HDAC1: variants seen among roughly 807,000 people sequenced by gnomAD.
HDAC1 encodes protein deacetylase HDAC1.
HDAC1 carries 18 observed loss-of-function variants against 65.5 expected under a neutral mutation model. That is an observed-to-expected ratio of 0.27 (90% CI 0.19 to 0.41). The LOEUF is 0.41. Ranked by LOEUF, HDAC1 falls within the 10% of genes least tolerant of loss-of-function variation. The pLI, the probability that HDAC1 is intolerant of heterozygous loss-of-function variation, is 1.00. For synonymous variants in HDAC1, 211 were observed against 227.9 expected (o/e 0.93, Z 0.67); for missense variants, 373 against 625.2 (o/e 0.60, Z 4.30).
At chr1:32,326,712 G>T (rs1641222793) in intron 4 of HDAC1, among the ~76,000 whole-genome samples, 2 of 149,444 alleles carry the variant, frequency 1.3e-5, no homozygotes, top group Middle Eastern at 3.2e-3. Context: ...CAATTTTAAG[G>T]CCTGCTAATG....
At position 32,307,217 on chromosome 1, in the gene HDAC1, C is replaced by T. The variant is rs145975648; in HGVS notation, c.162+4484C>T. Among the ~76,000 whole-genome samples the T allele has an allele frequency of 1.3e-3, 204 of 152,092 alleles. 1 individual carries two copies. The highest frequency in any genetic ancestry group is 2.2e-3 in the Non-Finnish European group (151 of 68,002). On this transcript the variant is annotated intron_variant, in intron 2 of 13. Transcript: ENST00000373548. ...CTGAGATCTCACCATTGCACTCTAG[C>T]GTGGGCAACAAGAGTGAAACTCCTT...
chr1:32,328,265 G>A (rs1478337987), intron 6 of HDAC1, among the ~76,000 whole-genome samples: 1 of 151,908 alleles, frequency 6.6e-6, no homozygotes, highest in Non-Finnish European at 1.5e-5. Context: ...TAAAAAAGTG[G>A]CACTAATTCA....
chr1:32,307,570 G>A (rs1354750311), intron 2 of HDAC1, among the ~76,000 whole-genome samples: 3 of 152,202 alleles, frequency 2.0e-5, no homozygotes, highest in Admixed American at 6.6e-5. Flanking sequence ...TTCACACCCA[G>A]GGGACAGAGC....
At chr1:32,320,278 G>C (rs1472656142) in intron 3 of HDAC1, among the ~76,000 whole-genome samples, 1 of 151,434 alleles carries the variant, frequency 6.6e-6, no homozygotes, top group Non-Finnish European at 1.5e-5. Context: ...CCTAATCTAG[G>C]AAGTTATGCT....
Position 32,333,118 on chromosome 1 carries a change from C to T in HDAC1, c.*74C>T, listed in dbSNP as rs762595128. On this transcript the variant is annotated 3_prime_UTR_variant, in exon 14 of 14. Coordinates refer to ENST00000373548, the MANE Select transcript of HDAC1 (RefSeq NM_004964.3). ...CCCAACCCCTCAGATTTTATATTTTCTATTTCTCTGTGTATTTATATAAAA... is the reference window on the plus strand; with the variant it reads ...CCCAACCCCTCAGATTTTATATTTTTTATTTCTCTGTGTATTTATATAAAA... 1 of 1,169,376 alleles carries T rather than the reference C, an allele frequency of 8.6e-7. No individual in the cohort carries two copies. The highest frequency in any genetic ancestry group is 1.2e-6 in the Non-Finnish European group (1 of 806,442). 72.4% of individuals were successfully genotyped at this position (1,169,376 alleles called of 1,614,324 possible).
chr1:32,318,657 G>A (rs1444072950), intron 3 of HDAC1, among the ~76,000 whole-genome samples: 1 of 151,834 alleles, frequency 6.6e-6, no homozygotes, highest in African/African-American at 2.4e-5. Flanking sequence ...TCAATGAATT[G>A]CTTTTGCTAT....
intron 1 of HDAC1, among the ~76,000 whole-genome samples, chr1:32,299,149 A>G (rs994160049): frequency 6.6e-6 from 1 of 152,206 alleles, no homozygotes; most frequent in African/African-American, 2.4e-5. Context: ...AAGAAGTTAT[A>G]TAGAAGAGGA....
intron 3 of HDAC1, among the ~76,000 whole-genome samples, chr1:32,319,163 A>C (rs951075610): frequency 6.6e-6 from 1 of 151,926 alleles, no homozygotes; most frequent in Non-Finnish European, 1.5e-5. Context: ...TCAGCTACTT[A>C]GGAGGCTGAA....
At chr1:32,296,575 C>T (rs568037154) in intron 1 of HDAC1, among the ~76,000 whole-genome samples, 6 of 152,068 alleles carry the variant, frequency 3.9e-5, no homozygotes, top group Non-Finnish European at 8.8e-5. Context: ...GACAGGATTT[C>T]GCCATGTTGC....
Position 32,331,449 on chromosome 1 carries a change from C to T in HDAC1, c.980-25C>T, listed in dbSNP as rs368100301. On this transcript the variant is annotated intron_variant, in intron 9 of 13. Transcript: ENST00000373548. This position sits in a 1 kb window ranked among gnomAD's most constrained non-coding sequence, Gnocchi z 4.2. Reference sequence around the variant, plus strand: ...AGGGTGCGGTGGCCAGGTCTCTTGACGGTCTTCTCTCCTGCCCCAATCAGA... The same window carrying T: ...AGGGTGCGGTGGCCAGGTCTCTTGATGGTCTTCTCTCCTGCCCCAATCAGA... 2.7e-5 allele frequency: 37 copies of T among 1,388,614 alleles called. No homozygotes were observed. Among genetic ancestry groups the T allele is most frequent in the African/African-American group, 2.0e-4 (14 of 70,378 alleles). The allele number at this position is 1,388,614 out of a possible 1,614,324, so 86.0% of individuals were successfully genotyped here. A position where few individuals can be genotyped will look rare whatever the true frequency, so the allele number is the denominator to read the frequency against.
Position 32,333,199 on chromosome 1 carries a change from AGCT to A in HDAC1, c.*157_*159del. Reference sequence around the variant, plus strand: ...GAAACCAAGGCCCCGAGCTCAGGGCAGCTGTGCTGGGTGAGCTCTTCCAGGAGC... The same window carrying A: ...GAAACCAAGGCCCCGAGCTCAGGGCAGTGCTGGGTGAGCTCTTCCAGGAGC... On this transcript the variant is annotated 3_prime_UTR_variant, in exon 14 of 14. Coordinates refer to ENST00000373548, the MANE Select transcript of HDAC1 (RefSeq NM_004964.3). The A allele has an allele frequency of 1.7e-6, 1 of 602,576 alleles. No individual in the cohort carries two copies. Among genetic ancestry groups the A allele is most frequent in the Non-Finnish European group, 2.8e-6 (1 of 359,812 alleles). The allele number at this position is 602,576 out of a possible 1,614,324, so 37.3% of individuals were successfully genotyped here. A position where few individuals can be genotyped will look rare whatever the true frequency, so the allele number is the denominator to read the frequency against.
Position 32,294,555 on chromosome 1 carries a change from A to G in HDAC1, c.49+2337A>G, listed in dbSNP as rs531240840. Among the ~76,000 whole-genome samples, 4 of 134,980 alleles carry G rather than the reference A, an allele frequency of 3.0e-5. No individual in the cohort carries two copies. The East Asian group carries it at 8.6e-4, about 29-fold the overall frequency. 88.6% of individuals were successfully genotyped at this position (134,980 alleles called of 152,430 possible). On this transcript the variant is annotated intron_variant, in intron 1 of 13. Coordinates refer to ENST00000373548, the MANE Select transcript of HDAC1 (RefSeq NM_004964.3). ...GAGATGGAGTCTCGCTCTGTCGCCC[A>G]GGCTGGAGTGCAGTGGCGCAATCTC...
At chr1:32,293,085 C>G (rs1640719471) in intron 1 of HDAC1, among the ~76,000 whole-genome samples, 1 of 152,184 alleles carries the variant, frequency 6.6e-6, no homozygotes. Flanking sequence ...CTTTGGGAGG[C>G]CGAGGCTGGT....
At position 32,331,659 on chromosome 1, in the gene HDAC1, T is replaced by C. The variant is rs1641293211; in HGVS notation, c.1089-17T>C. 1 of 1,613,148 alleles carries C rather than the reference T, an allele frequency of 6.2e-7. No individual in the cohort carries two copies. The highest frequency in any genetic ancestry group is 1.3e-5 in the African/African-American group (1 of 74,970). On this transcript the variant is annotated splice_polypyrimidine_tract_variant and intron_variant, in intron 10 of 13. Coordinates refer to ENST00000373548, the MANE Select transcript of HDAC1 (RefSeq NM_004964.3). The surrounding 1 kb of genome is among the most constrained non-coding windows in gnomAD (Gnocchi z 4.2). Reference sequence around the variant, plus strand: ...GTCCCTGACCAGAGCCCTGCTACTCTCTCCCATTGGCCACAGACAGCGACT... The same window carrying C: ...GTCCCTGACCAGAGCCCTGCTACTCCCTCCCATTGGCCACAGACAGCGACT...
chr1:32,294,681 A>AT (rs1640743549), intron 1 of HDAC1, among the ~76,000 whole-genome samples: 1 of 150,902 alleles, frequency 6.6e-6, no homozygotes, highest in African/African-American at 2.4e-5. Context: ...CACTGGGCTG[A>AT]TTTTTTGTAT....
chr1:32,302,277 A>G (rs1245997966), intron 1 of HDAC1, among the ~76,000 whole-genome samples: 6 of 151,892 alleles, frequency 4.0e-5, no homozygotes, highest in Non-Finnish European at 8.8e-5. Context: ...AGCGATGGTT[A>G]TTTTTCTGTT....
chr1:32,317,585 G>A (rs1285003338), intron 3 of HDAC1, among the ~76,000 whole-genome samples: 1 of 152,146 alleles, frequency 6.6e-6, no homozygotes, highest in Non-Finnish European at 1.5e-5. Flanking sequence ...TACTCCCAAG[G>A]AAGAAAGTTA....
At chr1:32,316,580 C>A in intron 2 of HDAC1, 85 bp from the exon 3 acceptor site, 1 of 780,358 alleles carries the variant, frequency 1.3e-6, no homozygotes, top group Non-Finnish European at 2.3e-6. Flanking sequence ...CTCCATGCTG[C>A]GCAGGAAATA....
chr1:32,313,003 T>G (rs1448297414), intron 2 of HDAC1, among the ~76,000 whole-genome samples: 2 of 151,702 alleles, frequency 1.3e-5, no homozygotes, highest in Admixed American at 1.3e-4. Context: ...TTTTTTTGTT[T>G]TGTTTTGTTT....
Sources: allele counts gnomAD v4.1 joint callset (sites outside exome capture counted in the v4.1 genomes callset), GRCh38; gene constraint gnomAD v4.1.1; non-coding constraint Gnocchi (gnomAD v3.1); transcripts MANE v1.5; gene names NCBI Gene and HGNC (gene_info 2026-07-23, HGNC 2026-07-21).